The following A2M variants were observed in gnomAD, a reference collection of about 807,000 sequenced individuals.
A2M encodes alpha-2-macroglobulin.
A neutral mutation model predicts 183.9 loss-of-function variants in A2M; 128 were observed. The observed-to-expected ratio is 0.70, with a 90% CI of 0.60 to 0.81. The LOEUF is 0.81. A2M is among the 30% of genes least tolerant of loss of function. The probability of loss-of-function intolerance (pLI) is 0.00; values close to 1 mark genes in which losing one functional copy is unlikely to be tolerated. For synonymous variants in A2M, 592 were observed against 670.8 expected, an observed-to-expected ratio of 0.88 and a Z score of 1.81; for missense variants, 1,495 against 1,787.6, an observed-to-expected ratio of 0.84 and a Z score of 2.95.
At chr12:9,069,712 G>T in intron 33 of A2M, 33 bp downstream of exon 33, 2 of 1,564,948 alleles carry the variant, frequency 1.3e-6, no homozygotes, top group Non-Finnish European at 1.8e-6. Flanking sequence ...TATTATCTAC[G>T]TTTTTTTGCA....
At chr12:9,106,098 C>T (rs1378553924) in intron 10 of A2M, 138 bp downstream of exon 10, 1 of 540,390 alleles carries the variant, frequency 1.9e-6, no homozygotes, top group Non-Finnish European at 3.3e-6. Flanking sequence ...TTATACTAAT[C>T]AAGCCTTGGT....
intron 29 of A2M, 50 bp from the exon 30 acceptor site, chr12:9,072,921 G>T: frequency 6.8e-7 from 1 of 1,480,676 alleles, no homozygotes; most frequent in Non-Finnish European, 9.3e-7. Flanking sequence ...ATAAGGCTTT[G>T]AGGGCTGAGA....
At chr12:9,109,793 T>A (rs1938585249) in intron 6 of A2M, 74 bp downstream of exon 6, 1 of 1,419,858 alleles carries the variant, frequency 7.0e-7, no homozygotes, top group Non-Finnish European at 9.5e-7. Context: ...AGACTCCAAA[T>A]GAACTTAAAT....
chr12:9,078,994 T>G (rs1439828595), intron 25 of A2M, among the ~76,000 whole-genome samples: 1 of 152,128 alleles, frequency 6.6e-6, no homozygotes. Flanking sequence ...TTAGAAAGAA[T>G]AGCCATTTCA....
chr12:9,116,064 C>T, upstream of A2M: 1 of 555,952 alleles, frequency 1.8e-6, no homozygotes, highest in Non-Finnish European at 3.3e-6. Context: ...AAGGTTAATT[C>T]CTGGCGGGCT....
rs1427962605 is a variant in A2M, at chr12:9,095,000, G to A, written c.2098C>T (p.Pro700Ser). Reference sequence around the variant, plus strand: ...TAAAAACCTACACGTAGACCTTCAGGTCCATGCATTTCATACTGTTGAAGC... The same window carrying A: ...TAAAAACCTACACGTAGACCTTCAGATCCATGCATTTCATACTGTTGAAGC... ...PQLQQYEMHG[P>S]EGLRVGFYES... Residue 700 changes from proline to serine, a missense_variant, in exon 17 of 36, where the codon CCT (proline) becomes TCT (serine). Coordinates refer to ENST00000318602, the MANE Select transcript of A2M (RefSeq NM_000014.6). The A allele has an allele frequency of 6.3e-7, 1 of 1,583,002 alleles. No homozygotes were observed. The highest frequency in any genetic ancestry group is 8.6e-7 in the Non-Finnish European group (1 of 1,163,314).
rs200486795 is a variant in A2M at position 9,069,777 on chromosome 12, T to G, written c.4231A>C (p.Ser1411Arg). ...RSNHVSRTEV[S>R]SNHVLIYLDK... ...AGGTAAATCAAGACATGGTTGCTGC[T>G]GACTTCTGTCCGGCTCACATGGTTA... is the stretch of plus-strand genomic sequence containing the variant. The change falls in exon 33 of 36, where the codon AGC (serine) becomes CGC (arginine). Residue 1411 changes from serine to arginine, a missense_variant. Transcript: ENST00000318602. 632 of 1,613,156 alleles carry G rather than the reference T, an allele frequency of 3.9e-4. 1 individual carries two copies. Among genetic ancestry groups the G allele is most frequent in the Non-Finnish European group, 5.1e-4 (607 of 1,179,530 alleles).
intron 10 of A2M, among the ~76,000 whole-genome samples, chr12:9,105,302 G>T (rs978980848): frequency 6.6e-6 from 1 of 152,286 alleles, no homozygotes; most frequent in East Asian, 1.9e-4. Context: ...TCTAGCTAGA[G>T]AGTCTTATGA....
rs774994385 is a variant in A2M at position 9,115,858 on chromosome 12, A to T, written c.-9T>A. The stretch of plus-strand genomic sequence containing the variant: ...AGTTTGTTCTTCCCCATGTTGCAGA[A>T]AGAAGGAGCTGGAGGAGAACAGACT... On this transcript the variant is annotated 5_prime_UTR_variant, in exon 1 of 36. Transcript: ENST00000318602. 6.2e-7 allele frequency: 1 copy of T among 1,611,138 alleles called. No individual in the cohort carries two copies. Among genetic ancestry groups the T allele is most frequent in the African/African-American group, 1.3e-5 (1 of 74,960 alleles).
chr12:9,111,648 A>C (rs2137972519), intron 4 of A2M: 1 of 408,964 alleles, frequency 2.4e-6, no homozygotes, highest in East Asian at 7.1e-5. Flanking sequence ...TTGAGATAAG[A>C]AAATGTGAAG....
Position 9,069,774 on chromosome 12 carries a change from T to A in A2M, c.4234A>T (p.Ser1412Cys). 6.2e-7 allele frequency: 1 copy of A among 1,613,272 alleles called. No individual in the cohort carries two copies. Reference protein sequence around the residue: ...SNHVSRTEVSSNHVLIYLDKV... With the variant: ...SNHVSRTEVSCNHVLIYLDKV... The stretch of plus-strand genomic sequence containing the variant: ...TCAAGGTAAATCAAGACATGGTTGC[T>A]GCTGACTTCTGTCCGGCTCACATGG... Residue 1412 changes from serine to cysteine, a missense_variant, in exon 33 of 36, where the codon AGC (serine) becomes TGC (cysteine). Physicochemically the swap from Ser to Cys is moderately radical, Grantham distance 112. Coordinates refer to ENST00000318602, the MANE Select transcript of A2M (RefSeq NM_000014.6).
In A2M at chr12:9,077,282, A is replaced by G. The variant is rs1233908035; in HGVS notation, c.3351+64T>C. On this transcript the variant is annotated intron_variant, in intron 27 of 35. Coordinates refer to ENST00000318602, the MANE Select transcript of A2M (RefSeq NM_000014.6). ...CTTTTAATAGGATAGTATTTCAGAC[A>G]GCAGGTCAGCAGTTTCATTGCATCC... 5 of 1,412,244 alleles carry G rather than the reference A, an allele frequency of 3.5e-6. No homozygotes were observed. The East Asian group carries it at 9.3e-5, about 26-fold the overall frequency. 87.5% of individuals were successfully genotyped at this position (1,412,244 alleles called of 1,614,324 possible).
rs139868527 is a variant in A2M at position 9,076,739 on chromosome 12, C to T, written c.3532+17G>A. 2.5e-3 allele frequency: 4,086 copies of T among 1,613,546 alleles called. 181 individuals carry two copies. In the Admixed American group the frequency reaches 0.063, roughly 25 times the overall value. Reference sequence around the variant, plus strand: ...ACAGAGGATGGGCCAGGAGAAGGATCTCAGGTGTGCTCTCACCTTTCTTCA... The same window carrying T: ...ACAGAGGATGGGCCAGGAGAAGGATTTCAGGTGTGCTCTCACCTTTCTTCA... On this transcript the variant is annotated intron_variant, in intron 28 of 35. Coordinates refer to ENST00000318602, the MANE Select transcript of A2M (RefSeq NM_000014.6).
chr12:9,099,122 A>G (rs974485809), intron 14 of A2M, among the ~76,000 whole-genome samples: 2 of 152,078 alleles, frequency 1.3e-5, no homozygotes, highest in Non-Finnish European at 2.9e-5. Flanking sequence ...ATATTTCCCA[A>G]CGTTTCATCA....
intron 22 of A2M, among the ~76,000 whole-genome samples, chr12:9,085,924 A>G (rs994352036): frequency 2.6e-5 from 4 of 152,348 alleles, no homozygotes; most frequent in Non-Finnish European, 4.4e-5. Flanking sequence ...AGACATATAC[A>G]TACTACCAAG....
intron 22 of A2M, among the ~76,000 whole-genome samples, chr12:9,080,819 A>G (rs182911452): frequency 6.6e-5 from 10 of 152,274 alleles, no homozygotes; most frequent in African/African-American, 2.2e-4. Flanking sequence ...GAAGTATGGT[A>G]TTTATTTTCA....
chr12:9,072,297 A>G, intron 31 of A2M, 62 bp downstream of exon 31: 2 of 1,574,938 alleles, frequency 1.3e-6, no homozygotes, highest in Non-Finnish European at 8.6e-7. Flanking sequence ...CTTAAAGAGG[A>G]GTTCCCGAAA....
chr12:9,069,315 G>T (rs971155562), intron 33 of A2M, among the ~76,000 whole-genome samples: 5 of 152,146 alleles, frequency 3.3e-5, no homozygotes, highest in Non-Finnish European at 5.9e-5. Context: ...AAATCAGATT[G>T]GTTTACTGGT....
chr12:9,079,247 G>A lies in A2M; in HGVS notation c.3116C>T (p.Thr1039Ile), dbSNP rs981272551. 1.2e-6 allele frequency: 2 copies of A among 1,613,230 alleles called. No homozygotes were observed. The highest frequency in any genetic ancestry group is 1.7e-5 in the Admixed American group (1 of 59,934). The change falls in exon 25 of 36, where the codon ACC (threonine) becomes ATC (isoleucine). Residue 1039 changes from threonine (T) to isoleucine (I), a missense_variant. Physicochemically the swap from Thr to Ile is moderately conservative, Grantham distance 89. Transcript: ENST00000318602. ...CAAAAAATTGTTCTTTCCTTACCAG[G>A]TGTTGCCCTGGTTCCTGCCATATCG... ...GERYGRNQGN[T>I]WLTAFVLKTF...
Sources: allele counts gnomAD v4.1 joint callset (sites outside exome capture counted in the v4.1 genomes callset), GRCh38; gene constraint gnomAD v4.1.1; transcripts MANE v1.5; gene names NCBI Gene and HGNC (gene_info 2026-07-23, HGNC 2026-07-21).